HERC1: variants seen among roughly 807,000 people sequenced by gnomAD.
HERC1 encodes the protein HECT and RLD domain containing E3 ubiquitin protein ligase family member 1.
HERC1 carries 160 observed loss-of-function variants against 554.3 expected under a neutral mutation model. The ratio of observed to expected loss-of-function variants is 0.29; its 90% CI spans 0.25 to 0.33. The LOEUF is 0.33. HERC1 is among the 10% of genes least tolerant of loss of function. The probability of loss-of-function intolerance (pLI) is 1.00; values close to 1 mark genes in which losing one functional copy is unlikely to be tolerated. For missense variants in HERC1, 4,919 were observed against 5,918.5 expected (o/e 0.83, Z 5.54); for synonymous variants, 2,175 against 2,131.7 (o/e 1.02, Z -0.56).
In HERC1 at chr15:63,665,942, T is replaced by A. The variant is rs949760382; in HGVS notation, c.8532A>T (p.Glu2844Asp). 1 of 1,613,390 alleles carries A rather than the reference T, an allele frequency of 6.2e-7. No individual in the cohort carries two copies. The change falls in exon 42 of 78, where the codon GAA becomes GAT. Residue 2844 changes from glutamate to aspartate, a missense_variant. This residue lies in a region of HERC1 where 1,963 missense variants were observed against 2,228.6 expected (regional missense o/e 0.88). Transcript: ENST00000443617. ...PGDIPSADAAEMEEGFSESPD... is the reference protein window; with the variant it reads ...PGDIPSADAADMEEGFSESPD... ...ACCTTTCACTAAAACCTTCCTCCAT[T>A]TCAGCAGCATCAGCTGATGGTATGT...
chr15:63,698,562 AAT>A (rs1383346962), intron 26 of HERC1, among the ~76,000 whole-genome samples, 164 bp downstream of exon 26: 2 of 152,244 alleles, frequency 1.3e-5, no homozygotes, highest in African/African-American at 4.8e-5. Flanking sequence ...GTTCAAACAA[AAT>A]AATGTGCTGT....
At position 63,775,445 on chromosome 15, in the gene HERC1, G is replaced by A; in HGVS notation, c.179C>T (p.Pro60Leu). The change falls in exon 2 of 78, where the codon CCA (proline) becomes CTA (leucine). Residue 60 changes from proline (P) to leucine (L), a missense_variant. Around this residue, in one of 11 missense-constraint regions of HERC1, gnomAD observed 110 missense variants for 99.3 expected, o/e 1.11. Transcript: ENST00000443617. The surrounding 1 kb of genome is among the most constrained non-coding windows in gnomAD (Gnocchi z 4.0). ...LPQQVLCLKG[P>L]QLPDFERESL... ...CTCACGTTCAAAGTCTGGCAACTGT[G>A]GTCCTTTGAGGCATAAAACTTGTTG... The A allele has an allele frequency of 6.2e-7, 1 of 1,613,946 alleles. No individual in the cohort carries two copies. Among genetic ancestry groups the A allele is most frequent in the Non-Finnish European group, 8.5e-7 (1 of 1,179,862 alleles).
chr15:63,765,330 C>T (rs2075740162), intron 2 of HERC1, among the ~76,000 whole-genome samples: 1 of 152,020 alleles, frequency 6.6e-6, no homozygotes, highest in Non-Finnish European at 1.5e-5. Flanking sequence ...AGGCACAGAT[C>T]TGTGTAAACC....
At chr15:63,675,261 A>T in intron 37 of HERC1, 144 bp from the exon 38 acceptor site, 1 of 628,624 alleles carries the variant, frequency 1.6e-6, no homozygotes, top group Non-Finnish European at 2.5e-6. Flanking sequence ...ATCATTACAA[A>T]CACAGAGAAA....
In HERC1 at chr15:63,612,422, C is replaced by T. The variant is rs1479687337; in HGVS notation, c.14229G>A (p.Arg4743=). The change falls in exon 77 of 78, where the codon CGG becomes CGA. Residue 4743 remains arginine, a synonymous_variant. Transcript: ENST00000443617. The surrounding 1 kb of genome is among the most constrained non-coding windows in gnomAD (Gnocchi z 5.0). ...GATGCTGCTCATCCACCTCACGGTA[C>T]CGCACCACTTTCTTCAAGACTTCCA... ...ISVEVLKKVV[R]YREVDEQHQL... 3.7e-6 allele frequency: 6 copies of T among 1,613,934 alleles called. No individual in the cohort carries two copies. Among genetic ancestry groups the T allele is most frequent in the Non-Finnish European group, 4.2e-6 (5 of 1,179,906 alleles).
intron 71 of HERC1, among the ~76,000 whole-genome samples, 199 bp from the exon 72 acceptor site, chr15:63,624,526 T>C (rs2068217641): frequency 6.6e-6 from 1 of 151,982 alleles, no homozygotes; most frequent in South Asian, 2.1e-4. Flanking sequence ...GCAAAACCCA[T>C]CTCTACAAAA....
chr15:63,832,270 C>CGT (rs150054418), intron 1 of HERC1, among the ~76,000 whole-genome samples: 275 of 150,896 alleles, frequency 1.8e-3, no homozygotes, highest in African/African-American at 3.6e-3. Flanking sequence ...GTGCAGAATA[C>CGT]GTGTGTGTGT....
In HERC1 at chr15:63,616,489, T is replaced by C. The variant is rs910703122; in HGVS notation, c.13882A>G (p.Thr4628Ala). The C allele has an allele frequency of 1.2e-6, 2 of 1,613,860 alleles. No homozygotes were observed. Among genetic ancestry groups the C allele is most frequent in the Admixed American group, 1.7e-5 (1 of 60,004 alleles). Residue 4628 changes from threonine to alanine, a missense_variant, in exon 75 of 78, where the codon ACT becomes GCT. Physicochemically the swap from Thr to Ala is moderately conservative, Grantham distance 58. Transcript: ENST00000443617. ...TCAATGTGAAGAATGCTGTTGAGAG[T>C]CTGCACGTAGAGCAGATCCACCTCC... ...LEEVDLLYVQTLNSILHIEDS... is the reference protein window; with the variant it reads ...LEEVDLLYVQALNSILHIEDS...
rs2069291247 is a variant in HERC1 at position 63,645,493 on chromosome 15, G to A, written c.11068C>T (p.Leu3690=). The A allele has an allele frequency of 6.2e-7, 1 of 1,610,630 alleles. No individual in the cohort carries two copies. Among genetic ancestry groups the A allele is most frequent in the African/African-American group, 1.3e-5 (1 of 74,906 alleles). ...AAATTGACAACATACGTAGCCATCA[G>A]TAACTGCAACTTGGATCCTTTCCCT... The part of the protein sequence containing the change: ...LPGKGSKLQL[L]MATGCQSGLV... Residue 3690 remains leucine (L), a synonymous_variant, in exon 56 of 78, where the codon CTG becomes TTG. Transcript: ENST00000443617.
rs2071101117 is a variant in HERC1 at position 63,674,550 on chromosome 15, G to A, written c.7638C>T (p.Asp2546=). The A allele has an allele frequency of 6.2e-6, 10 of 1,612,872 alleles. No individual in the cohort carries two copies. The highest frequency in any genetic ancestry group is 4.0e-5 in the African/African-American group (3 of 75,032). The part of the protein sequence containing the change: ...KVLAENGHNS[D]CASSPVVHED... ...CATGAACAACTGGAGAACTTGCACA[G>A]TCTGAGTTGTGGCCATTTTCAGCCA... is the stretch of plus-strand genomic sequence containing the variant. Residue 2546 remains aspartate, a synonymous_variant, in exon 38 of 78, where the codon GAC becomes GAT. Transcript: ENST00000443617.
chr15:63,628,341 G>A (rs1165032445), intron 70 of HERC1, among the ~76,000 whole-genome samples: 2 of 152,122 alleles, frequency 1.3e-5, no homozygotes, highest in African/African-American at 4.8e-5. Context: ...AGTGAGCTGA[G>A]ATCACACCAC....
chr15:63,664,347 G>C, intron 43 of HERC1, 123 bp downstream of exon 43: 1 of 761,476 alleles, frequency 1.3e-6, no homozygotes, highest in Non-Finnish European at 2.1e-6. Flanking sequence ...CCAAATAGCT[G>C]TTCTGTTAAT....
At position 63,729,605 on chromosome 15, in the gene HERC1, T is replaced by C. The variant is rs1205018546; in HGVS notation, c.2913A>G (p.Leu971=). The part of the protein sequence containing the change: ...GELEKNSDKF[L]LGTSSSENSQ... ...TGTTTTCTGATGATGATGTTCCAAG[T>C]AGAAATTTATCACTATTCTTTTCTA... The change falls in exon 15 of 78, where the codon CTA becomes CTG. Residue 971 remains leucine (L), a synonymous_variant. Coordinates refer to ENST00000443617, the MANE Select transcript of HERC1 (RefSeq NM_003922.4). 4 of 1,613,766 alleles carry C rather than the reference T, an allele frequency of 2.5e-6. No individual in the cohort carries two copies. The highest frequency in any genetic ancestry group is 2.5e-6 in the Non-Finnish European group (3 of 1,179,680).
At chr15:63,662,323 A>G (rs957175466) in intron 44 of HERC1, among the ~76,000 whole-genome samples, 2 of 152,162 alleles carry the variant, frequency 1.3e-5, no homozygotes, top group Non-Finnish European at 2.9e-5. Context: ...TTTAAAAAAA[A>G]AACTCCACTA....
At position 63,754,653 on chromosome 15, in the gene HERC1, G is replaced by C. The variant is rs1173848473; in HGVS notation, c.1631-5C>G. The C allele has an allele frequency of 1.9e-6, 3 of 1,609,770 alleles. No homozygotes were observed. The highest frequency in any genetic ancestry group is 1.7e-5 in the Admixed American group (1 of 59,434). ...GACTATTGCTGTCACCATGACCTTG[G>C]ATAAAACACACACAACAACAAAGAA... On this transcript the variant is annotated splice_region_variant and splice_polypyrimidine_tract_variant and intron_variant, in intron 6 of 77. Coordinates refer to ENST00000443617, the MANE Select transcript of HERC1 (RefSeq NM_003922.4).
In HERC1 at chr15:63,659,886, C is replaced by T; in HGVS notation, c.9274G>A (p.Glu3092Lys). 6.2e-7 allele frequency: 1 copy of T among 1,613,888 alleles called. No homozygotes were observed. Among genetic ancestry groups the T allele is most frequent in the South Asian group, 1.1e-5 (1 of 91,064 alleles). Residue 3092 changes from glutamate (E) to lysine (K), a missense_variant, in exon 47 of 78, where the codon GAA (glutamate) becomes AAA (lysine). Transcript: ENST00000443617. ...GGTCCAGCAAGTAATTCAAATTCTTCTTCACCAGTTAGCTTTTCATCTTCA... is the reference window on the plus strand; with the variant it reads ...GGTCCAGCAAGTAATTCAAATTCTTTTTCACCAGTTAGCTTTTCATCTTCA... Reference protein sequence around the residue: ...VDEDEKLTGEEEFELLAGPLG... With the variant: ...VDEDEKLTGEKEFELLAGPLG...
chr15:63,796,502 T>C (rs941280169), intron 1 of HERC1, among the ~76,000 whole-genome samples: 2 of 152,202 alleles, frequency 1.3e-5, no homozygotes, highest in South Asian at 2.1e-4. Context: ...GGGTGTAGAC[T>C]GTAAACCAAA....
At chr15:63,829,406 G>C (rs1425609778) in intron 1 of HERC1, among the ~76,000 whole-genome samples, 1 of 150,738 alleles carries the variant, frequency 6.6e-6, no homozygotes, top group Non-Finnish European at 1.5e-5. Flanking sequence ...CTGGGTGACA[G>C]AGTGAGGCCC....
At chr15:63,622,326 CTTTTTT>C (rs35490295) in intron 74 of HERC1, among the ~76,000 whole-genome samples, 1 of 117,592 alleles carries the variant, frequency 8.5e-6, no homozygotes, top group Non-Finnish European at 1.7e-5. Flanking sequence ...TGCCTGTTTC[CTTTTTT>C]TTTTTTTTTT....
Sources: gnomAD v4.1 joint callset for allele counts (sites outside exome capture counted in the v4.1 genomes callset) on GRCh38, gnomAD v4.1.1 for gene constraint, gnomAD v4.1.1 regional missense constraint, Gnocchi (gnomAD v3.1) non-coding constraint, MANE v1.5 for transcripts, NCBI Gene and HGNC (gene_info 2026-07-23, HGNC 2026-07-21) for gene names.